GABPB1: variants seen among roughly 807,000 people sequenced by gnomAD.
GABPB1 encodes the protein GA-binding protein subunit beta-1.
Under a neutral mutation model 45.9 loss-of-function variants are expected in GABPB1, and 15 were observed. The ratio of observed to expected loss-of-function variants is 0.33; its 90% CI spans 0.22 to 0.50. The LOEUF (loss-of-function observed/expected upper bound fraction) is 0.50, where lower values mean the gene tolerates loss of function less well. GABPB1 is among the 20% of genes least tolerant of loss of function. GABPB1 has a pLI of 0.98. For synonymous variants in GABPB1, 143 were observed against 154.4 expected (o/e 0.93, Z 0.55); for missense variants, 252 against 457.5 (o/e 0.55, Z 4.10).
At chr15:50,289,703 T>C (rs777613819) in intron 6 of GABPB1, 35 bp from the exon 7 acceptor site, 22 of 1,517,464 alleles carry the variant, frequency 1.4e-5, no homozygotes, top group Admixed American at 7.9e-5. Context: ...AGCAAACATA[T>C]GTAACGGTAT....
chr15:50,281,884 T>C (rs1156468311), intron 8 of GABPB1, among the ~76,000 whole-genome samples: 7 of 152,192 alleles, frequency 4.6e-5, no homozygotes. Context: ...GGTGGATTGC[T>C]TGAGCCTAGG....
intron 1 of GABPB1, among the ~76,000 whole-genome samples, chr15:50,322,809 T>C (rs2047621550): frequency 1.3e-5 from 2 of 152,082 alleles, no homozygotes; most frequent in African/African-American, 2.4e-5. Context: ...GGTGGATTGC[T>C]TGAGACCAGG....
chr15:50,291,547 T>A (rs2046342206), intron 6 of GABPB1, among the ~76,000 whole-genome samples: 1 of 151,382 alleles, frequency 6.6e-6, no homozygotes, highest in African/African-American at 2.4e-5. Context: ...AGGCTGGTCT[T>A]GAACTCCTGA....
chr15:50,345,717 TTTG>T (rs2048547203), intron 1 of GABPB1, among the ~76,000 whole-genome samples: 1 of 152,090 alleles, frequency 6.6e-6, no homozygotes, highest in African/African-American at 2.4e-5. Flanking sequence ...TACATTTTTT[TTTG>T]TTTTTTTTTT....
intron 7 of GABPB1, 71 bp from the exon 8 acceptor site, chr15:50,286,254 C>A: frequency 1.9e-6 from 2 of 1,045,476 alleles, no homozygotes; most frequent in Admixed American, 3.3e-5. Context: ...CTAGTCTTGA[C>A]ATTGTTGATG....
At chr15:50,314,187 A>ATTT (rs202016529) in intron 1 of GABPB1, among the ~76,000 whole-genome samples, 6 of 139,860 alleles carry the variant, frequency 4.3e-5, no homozygotes, top group African/African-American at 1.1e-4. Flanking sequence ...TTATTTATTT[A>ATTT]TTTATTTATT....
chr15:50,305,100 T>C (rs1421332479), intron 2 of GABPB1, among the ~76,000 whole-genome samples: 3 of 152,124 alleles, frequency 2.0e-5, no homozygotes, highest in Admixed American at 1.3e-4. Flanking sequence ...GGAAGGAAGA[T>C]TAAGTTCTAT....
chr15:50,303,534 T>A (rs2046832252), intron 3 of GABPB1, among the ~76,000 whole-genome samples: 1 of 151,940 alleles, frequency 6.6e-6, no homozygotes, highest in African/African-American at 2.4e-5. Context: ...ATACAAAAAT[T>A]AGCTGGGCAT....
chr15:50,343,521 CA>C (rs1272537224), intron 1 of GABPB1, among the ~76,000 whole-genome samples: 1 of 151,980 alleles, frequency 6.6e-6, no homozygotes, highest in Non-Finnish European at 1.5e-5. Context: ...ATAGCTACCA[CA>C]TCCCACCAAT....
chr15:50,286,610 T>G (rs2046164502), intron 7 of GABPB1, among the ~76,000 whole-genome samples: 1 of 152,204 alleles, frequency 6.6e-6, no homozygotes, highest in East Asian at 1.9e-4. Flanking sequence ...ATCTATACAA[T>G]AGATATATTG....
intron 1 of GABPB1, among the ~76,000 whole-genome samples, chr15:50,311,076 GTGTA>G (rs1381427585): frequency 1.3e-5 from 2 of 152,032 alleles, no homozygotes; most frequent in African/African-American, 4.8e-5. Flanking sequence ...GTGCATGGGT[GTGTA>G]TGTATTTGTG....
intron 1 of GABPB1, among the ~76,000 whole-genome samples, chr15:50,325,682 C>T (rs549068216): frequency 6.6e-6 from 1 of 152,076 alleles, no homozygotes; most frequent in African/African-American, 2.4e-5. Flanking sequence ...CAGGTGCACA[C>T]CAGCACGCCC....
intron 1 of GABPB1, chr15:50,354,703 G>A (rs113692002): frequency 0.014 from 4,736 of 338,294 alleles, 63 homozygotes; most frequent in South Asian, 0.028. Context: ...GCATGCTAGG[G>A]CCGAGGAGGG....
At chr15:50,350,779 G>C (rs2048789277) in intron 1 of GABPB1, 1 of 152,016 alleles carries the variant, frequency 6.6e-6, no homozygotes, top group Admixed American at 6.6e-5. Flanking sequence ...TCACAATTTT[G>C]AGGAAATTTA....
At position 50,276,960 on chromosome 15, in the gene GABPB1, T is replaced by C. The variant is rs2045846477; in HGVS notation, c.*1672A>G. 6.6e-6 allele frequency: 1 copy of C among 152,198 alleles called. No homozygotes were observed. The allele number at this position is 152,198 out of a possible 1,614,324, so 9.4% of individuals were successfully genotyped here. On this transcript the variant is annotated 3_prime_UTR_variant, in exon 9 of 9. Transcript: ENST00000380877. ...AAAATATGTCAAATTTAGTGGAAAA[T>C]TGAAAAAGATCTTTTTCCTCTTCCT...
chr15:50,354,547 G>A (rs1455204400), intron 1 of GABPB1: 1 of 448,310 alleles, frequency 2.2e-6, no homozygotes. Context: ...AGAGGCCGAG[G>A]CCCAGCCGCG....
intron 1 of GABPB1, chr15:50,354,350 G>T (rs745501432): frequency 2.7e-5 from 12 of 446,778 alleles, no homozygotes; most frequent in African/African-American, 2.5e-4. Context: ...CGCTGCGGGG[G>T]CCCCGCGCGG....
At chr15:50,324,386 T>A (rs993731598) in intron 1 of GABPB1, among the ~76,000 whole-genome samples, 3 of 151,896 alleles carry the variant, frequency 2.0e-5, no homozygotes, top group African/African-American at 7.3e-5. Context: ...CTGCCTATAC[T>A]CACTTTACAG....
intron 8 of GABPB1, among the ~76,000 whole-genome samples, chr15:50,282,812 T>C (rs1216111114): frequency 6.6e-6 from 1 of 152,148 alleles, no homozygotes; most frequent in Non-Finnish European, 1.5e-5. Context: ...CCCAGCACTC[T>C]GGGGGGCTGA....
Sources: gnomAD v4.1 joint callset for allele counts (sites outside exome capture counted in the v4.1 genomes callset) on GRCh38, gnomAD v4.1.1 for gene constraint, MANE v1.5 for transcripts, NCBI Gene and HGNC (gene_info 2026-07-23, HGNC 2026-07-21) for gene names.